The following GALNT6 variants were observed in gnomAD, a reference collection of about 807,000 sequenced individuals.
GALNT6 encodes GalNAc transferase 6.
GALNT6 carries 51 observed loss-of-function variants against 65.9 expected under a neutral mutation model. The ratio of observed to expected loss-of-function variants is 0.77; its 90% confidence interval spans 0.62 to 0.98. The LOEUF (loss-of-function observed/expected upper bound fraction) is 0.98, where lower values mean the gene tolerates loss of function less well. Ranked by LOEUF, GALNT6 falls within the 50% of genes least tolerant of loss-of-function variation. GALNT6 has a pLI of 0.00. For synonymous variants in GALNT6, 323 were observed against 315.1 expected (o/e 1.02, Z -0.26); for missense variants, 708 against 803.3 (o/e 0.88, Z 1.43).
Position 51,364,395 on chromosome 12 carries a change from C to T in GALNT6, c.815-40G>A, listed in dbSNP as rs372694416. The T allele has an allele frequency of 6.0e-5, 84 of 1,410,092 alleles. No homozygotes were observed. In the Middle Eastern group the frequency reaches 8.9e-4, roughly 15 times the overall value. 87.3% of individuals were successfully genotyped at this position (1,410,092 alleles called of 1,614,324 possible). A position where few individuals can be genotyped will look rare whatever the true frequency, so the allele number is the denominator to read the frequency against. Reference sequence around the variant, plus strand: ...CAGGAGGCAGCAGTCAGGGCCCTGCCCACAGCAGAGCCCAAGCTGCATCCT... The same window carrying T: ...CAGGAGGCAGCAGTCAGGGCCCTGCTCACAGCAGAGCCCAAGCTGCATCCT... On this transcript the variant is annotated intron_variant, in intron 5 of 11. Transcript: ENST00000356317.
chr12:51,370,190 C>T (rs561923104), intron 4 of GALNT6, among the ~76,000 whole-genome samples: 11 of 152,190 alleles, frequency 7.2e-5, no homozygotes, highest in Admixed American at 5.9e-4. Flanking sequence ...TGTCCATCAG[C>T]GAATGAACGG....
At chr12:51,380,626 A>C (rs1947634476) in intron 2 of GALNT6, among the ~76,000 whole-genome samples, 1 of 152,232 alleles carries the variant, frequency 6.6e-6, no homozygotes, top group Non-Finnish European at 1.5e-5. Flanking sequence ...CCCTGTCTCT[A>C]CTAAAAATAC....
intron 2 of GALNT6, among the ~76,000 whole-genome samples, chr12:51,389,003 G>C (rs1270250819): frequency 1.3e-5 from 2 of 152,152 alleles, no homozygotes; most frequent in African/African-American, 4.8e-5. Flanking sequence ...CCTCCCTGGA[G>C]TGAGCTCACC....
At chr12:51,380,901 A>G (rs1488420777) in intron 2 of GALNT6, among the ~76,000 whole-genome samples, 2 of 152,292 alleles carry the variant, frequency 1.3e-5, no homozygotes, top group Middle Eastern at 3.4e-3. Context: ...TTTTTTCTCA[A>G]AGTGGATGGC....
At chr12:51,358,097 T>A (rs1260017098) in intron 9 of GALNT6, 33 bp downstream of exon 9, 2 of 1,603,714 alleles carry the variant, frequency 1.2e-6, no homozygotes, top group Admixed American at 1.7e-5. Context: ...GGTGCTGTGG[T>A]GATGGGCAGG....
chr12:51,362,475 T>G (rs1946954040), intron 6 of GALNT6, among the ~76,000 whole-genome samples: 1 of 152,120 alleles, frequency 6.6e-6, no homozygotes, highest in Non-Finnish European at 1.5e-5. Flanking sequence ...CCATGCATGC[T>G]ACCGGGGCAT....
intron 4 of GALNT6, among the ~76,000 whole-genome samples, chr12:51,368,629 T>C (rs1269831222): frequency 6.6e-6 from 1 of 151,962 alleles, no homozygotes; most frequent in African/African-American, 2.4e-5. Flanking sequence ...TGGTCTCGAA[T>C]TCCTGACCTC....
chr12:51,357,353 T>A lies in GALNT6; in HGVS notation c.1598A>T (p.Asn533Ile). ...IMYSCHGLGGNQYFEYTTQRD... is the reference protein window; with the variant it reads ...IMYSCHGLGGIQYFEYTTQRD... ...GGAGATGGGTGGGCTGCATACCTGGTTGCCGCCAAGGCCGTGGCAGGAGTA... is the reference window on the plus strand; with the variant it reads ...GGAGATGGGTGGGCTGCATACCTGGATGCCGCCAAGGCCGTGGCAGGAGTA... Residue 533 changes from asparagine (N) to isoleucine (I), a missense_variant, in exon 10 of 12, where the codon AAC becomes ATC. Asn to Ile is a moderately radical substitution (Grantham distance 149). Coordinates refer to ENST00000356317, the MANE Select transcript of GALNT6 (RefSeq NM_007210.4). The A allele has an allele frequency of 6.2e-7, 1 of 1,605,714 alleles. No homozygotes were observed. Among genetic ancestry groups the A allele is most frequent in the Non-Finnish European group, 8.5e-7 (1 of 1,172,338 alleles).
chr12:51,388,545 C>T (rs1947912107), intron 2 of GALNT6, among the ~76,000 whole-genome samples: 1 of 152,206 alleles, frequency 6.6e-6, no homozygotes, highest in African/African-American at 2.4e-5. Context: ...GCTTCCTAGA[C>T]TAAGGTGCAT....
chr12:51,359,356 AGGCCTTCAGTG>A (rs778313445), intron 7 of GALNT6, 24 bp from the exon 8 acceptor site: 1 of 1,551,364 alleles, frequency 6.4e-7, no homozygotes, highest in South Asian at 1.2e-5. Context: ...AGACAGGATG[AGGCCTTCAGTG>A]GGCTAGGTGA....
At chr12:51,371,054 A>AATTTTTTATT (rs1555178908) in intron 4 of GALNT6, among the ~76,000 whole-genome samples, 1 of 144,450 alleles carries the variant, frequency 6.9e-6, no homozygotes, top group Non-Finnish European at 1.5e-5. Flanking sequence ...CCTTTTAAAA[A>AATTTTTTATT]ATTATTATTA....
chr12:51,381,190 T>C (rs554997562), intron 2 of GALNT6, among the ~76,000 whole-genome samples: 1 of 152,328 alleles, frequency 6.6e-6, no homozygotes, highest in Non-Finnish European at 1.5e-5. Flanking sequence ...CAGTGAGCTA[T>C]AATCGCACCA....
In GALNT6 at chr12:51,379,687, C is replaced by A. The variant is rs34486781; in HGVS notation, c.95G>T (p.Ser32Ile). 8 of 1,614,136 alleles carry A rather than the reference C, an allele frequency of 5.0e-6. No homozygotes were observed. The South Asian group carries it at 6.6e-5, about 13-fold the overall frequency. Residue 32 changes from serine (S) to isoleucine (I), a missense_variant, in exon 3 of 12, where the codon AGC becomes ATC. Ser to Ile is a moderately radical substitution (Grantham distance 142). Transcript: ENST00000356317. ...LFLFLLHRDV[S>I]SREEATEKPW... ...CTTCTCTGTGGCCTCCTCTCTGCTG[C>A]TCACATCCCTATGCAGGAGGAAGAG...
chr12:51,379,676 CCT>C lies in GALNT6; in HGVS notation c.104_105del (p.Glu35GlyfsTer30), dbSNP rs756257968. ...TTCAGCCACGGCTTCTCTGTGGCCT[CCT>C]CTCTGCTGCTCACATCCCTATGCAG... ...FLLHRDVSSR[E>X]EATEKPWLKS... On this transcript the variant is annotated frameshift_variant, in exon 3 of 12. Coordinates refer to ENST00000356317, the MANE Select transcript of GALNT6 (RefSeq NM_007210.4). LOFTEE classifies it high-confidence loss of function. 2.0e-5 allele frequency: 32 copies of C among 1,614,024 alleles called. No individual in the cohort carries two copies. The highest frequency in any genetic ancestry group is 2.6e-5 in the Non-Finnish European group (31 of 1,179,990).
rs547011009 is a variant in GALNT6, at chr12:51,375,695, C to T, written c.664+1500G>A. 3.3e-5 allele frequency among the ~76,000 whole-genome samples: 5 copies of T among 151,988 alleles called. No homozygotes were observed. In the South Asian group the frequency reaches 1.0e-3, roughly 32 times the overall value. ...GCCTCAGCCTCCCGAGTAGTTGGGA[C>T]TACAGGCATGCTCTGCCACGCCTGG... On this transcript the variant is annotated intron_variant, in intron 4 of 11. Coordinates refer to ENST00000356317, the MANE Select transcript of GALNT6 (RefSeq NM_007210.4).
chr12:51,364,990 A>C (rs1404219842), intron 5 of GALNT6, among the ~76,000 whole-genome samples: 7 of 152,114 alleles, frequency 4.6e-5, no homozygotes, highest in Admixed American at 4.6e-4. Context: ...ACTCCTAGGG[A>C]AAATATTTCA....
At chr12:51,355,361 GCCACACACACA>G (rs1946714386) in intron 11 of GALNT6, among the ~76,000 whole-genome samples, 1 of 152,078 alleles carries the variant, frequency 6.6e-6, no homozygotes, top group Admixed American at 6.6e-5. Context: ...CCTGCCTGTG[GCCACACACACA>G]CTCACCTACC....
Position 51,364,227 on chromosome 12 carries a change from C to T in GALNT6, c.943G>A (p.Gly315Ser), listed in dbSNP as rs201100145. 4.3e-4 allele frequency: 700 copies of T among 1,614,096 alleles called. 3 individuals carry two copies. Among genetic ancestry groups the T allele is most frequent in the South Asian group, 1.0e-3 (91 of 91,088 alleles). ...TFEFAKPVQR[G>S]RVHSRGNFDW... Reference sequence around the variant, plus strand: ...AAGTTGCCTCGGCTATGGACTCTGCCCCTCTGGACGGGCTTGGCGAACTCA... The same window carrying T: ...AAGTTGCCTCGGCTATGGACTCTGCTCCTCTGGACGGGCTTGGCGAACTCA... The change falls in exon 6 of 12, where the codon GGC becomes AGC. Residue 315 changes from glycine to serine, a missense_variant. By Grantham distance (56) the Gly-to-Ser change is moderately conservative. Coordinates refer to ENST00000356317, the MANE Select transcript of GALNT6 (RefSeq NM_007210.4).
At chr12:51,380,897 C>G (rs1196215800) in intron 2 of GALNT6, among the ~76,000 whole-genome samples, 1 of 152,144 alleles carries the variant, frequency 6.6e-6, no homozygotes, top group African/African-American at 2.4e-5. Context: ...GTGTTTTTTT[C>G]TCAAAGTGGA....
Sources: gnomAD v4.1 joint callset for allele counts (sites outside exome capture counted in the v4.1 genomes callset) on GRCh38, gnomAD v4.1.1 for gene constraint, MANE v1.5 for transcripts, NCBI Gene and HGNC (gene_info 2026-07-23, HGNC 2026-07-21) for gene names.